Variants in PTP4A3 observed in about 807,000 individuals in gnomAD.
The protein encoded by PTP4A3 is protein tyrosine phosphatase type IVA 3.
Under a neutral mutation model 15.2 loss-of-function variants are expected in PTP4A3, and 9 were observed. That is an observed-to-expected ratio of 0.59 (90% CI 0.36 to 1.03). The LOEUF is 1.03. Ranked by LOEUF, PTP4A3 falls within the 50% of genes least tolerant of loss-of-function variation. The pLI is 0.02. For missense variants in PTP4A3, 234 were observed against 252.1 expected (o/e 0.93, Z 0.49); for synonymous variants, 95 against 102.0 (o/e 0.93, Z 0.41).
intron 1 of PTP4A3, among the ~76,000 whole-genome samples, chr8:141,409,223 G>A (rs1377666939): frequency 2.0e-5 from 3 of 152,218 alleles, no homozygotes; most frequent in Admixed American, 6.5e-5. Context: ...CAACAGGCCC[G>A]TGTGAATGGC....
rs77396073 is a variant in PTP4A3, at chr8:141,427,682, C to T, written c.330-68C>T. On this transcript the variant is annotated intron_variant, in intron 4 of 5. Coordinates refer to ENST00000521578, the MANE Select transcript of PTP4A3 (RefSeq NM_032611.3). ...GGGCCCCCGTGCCCTGCATCTTCAG[C>T]AGGTGCCCTGCCAAGGGGACAGGGG... is the stretch of plus-strand genomic sequence containing the variant. 6.6e-3 allele frequency: 9,140 copies of T among 1,388,104 alleles called. 498 individuals are homozygous for T. The African/African-American group carries it at 0.12, about 18-fold the overall frequency. 86.0% of individuals were successfully genotyped at this position (1,388,104 alleles called of 1,614,324 possible).
chr8:141,417,592 G>A (rs1301216632), intron 1 of PTP4A3, among the ~76,000 whole-genome samples: 1 of 152,110 alleles, frequency 6.6e-6, no homozygotes, highest in Non-Finnish European at 1.5e-5. Context: ...GGCCCGTGCA[G>A]CCCCATGAGG....
chr8:141,409,364 T>G (rs1213158267), intron 1 of PTP4A3, among the ~76,000 whole-genome samples: 2 of 152,172 alleles, frequency 1.3e-5, no homozygotes, highest in Non-Finnish European at 2.9e-5. Flanking sequence ...GGTCCAGGGC[T>G]ATTTGGTGGC....
At position 141,421,895 on chromosome 8, in the gene PTP4A3, T is replaced by G. The variant is rs1349838524; in HGVS notation, c.-346T>G. 5 of 244,976 alleles carry G rather than the reference T, an allele frequency of 2.0e-5. No homozygotes were observed. The highest frequency in any genetic ancestry group is 3.9e-5 in the Non-Finnish European group (5 of 129,148). The allele number at this position is 244,976 out of a possible 1,614,324, so 15.2% of individuals were successfully genotyped here. On this transcript the variant is annotated 5_prime_UTR_variant, in exon 2 of 6. Coordinates refer to ENST00000521578, the MANE Select transcript of PTP4A3 (RefSeq NM_032611.3). ...GCTTTTTTGGTTGTTCTTTTTATTT[T>G]TTGCCTCTTTATGACTATCCAGCTC...
At chr8:141,415,930 CT>C (rs1833034118) in intron 1 of PTP4A3, among the ~76,000 whole-genome samples, 1 of 151,868 alleles carries the variant, frequency 6.6e-6, no homozygotes, top group African/African-American at 2.4e-5. Context: ...CCTGGCCCCC[CT>C]AGCAATGGGC....
chr8:141,428,837 C>T (rs1365269759), intron 5 of PTP4A3, among the ~76,000 whole-genome samples: 7 of 152,242 alleles, frequency 4.6e-5, no homozygotes, highest in Admixed American at 3.3e-4. Flanking sequence ...AACACAGGCA[C>T]ATACAGACAA....
At chr8:141,396,012 C>T (rs192444493) in intron 1 of PTP4A3, among the ~76,000 whole-genome samples, 2,453 of 152,328 alleles carry the variant, frequency 0.016, 71 homozygotes, top group African/African-American at 0.056. Context: ...CACCTGCCCC[C>T]GCCAACCCTG....
chr8:141,426,986 A>G lies in PTP4A3; in HGVS notation c.246A>G (p.Glu82=). Residue 82 remains glutamate (E), a synonymous_variant, in exon 4 of 6, where the codon GAA becomes GAG. Coordinates refer to ENST00000521578, the MANE Select transcript of PTP4A3 (RefSeq NM_032611.3). ...DGAPPPGKVV[E]DWLSLVKAKF... ...CGCCCCCGCCCGGCAAGGTAGTGGA[A>G]GACTGGCTGAGCCTGGTGAAGGCCA... The G allele has an allele frequency of 6.2e-7, 1 of 1,608,540 alleles. No homozygotes were observed. The highest frequency in any genetic ancestry group is 8.5e-7 in the Non-Finnish European group (1 of 1,179,860).
intron 2 of PTP4A3, among the ~76,000 whole-genome samples, chr8:141,424,763 C>T (rs564889773): frequency 2.6e-5 from 4 of 152,178 alleles, no homozygotes; most frequent in East Asian, 1.9e-4. Flanking sequence ...GACACTACCT[C>T]GACCAGTAGT....
chr8:141,430,151 G>A (rs1833788849), intron 5 of PTP4A3, among the ~76,000 whole-genome samples: 1 of 148,930 alleles, frequency 6.7e-6, no homozygotes, highest in African/African-American at 2.5e-5. Flanking sequence ...ACCAGGTGGC[G>A]GGGACAGGGT....
Position 141,431,109 on chromosome 8 carries a change from GC to G in PTP4A3, c.*68del. 1 of 1,507,296 alleles carries G rather than the reference GC, an allele frequency of 6.6e-7. No homozygotes were observed. The highest frequency in any genetic ancestry group is 9.2e-7 in the Non-Finnish European group (1 of 1,085,668). The allele number at this position is 1,507,296 out of a possible 1,614,324, so 93.4% of individuals were successfully genotyped here. A position where few individuals can be genotyped will look rare whatever the true frequency, so the allele number is the denominator to read the frequency against. On this transcript the variant is annotated 3_prime_UTR_variant, in exon 6 of 6. Coordinates refer to ENST00000521578, the MANE Select transcript of PTP4A3 (RefSeq NM_032611.3). ...GACCTTGGCTGGACCTGGAGGCCCT[GC>G]CCAGCCCTGCTCTGCCCAGCCCAGC...
intron 1 of PTP4A3, among the ~76,000 whole-genome samples, chr8:141,394,313 G>A (rs569696446): frequency 3.9e-5 from 6 of 152,066 alleles, no homozygotes; most frequent in Non-Finnish European, 8.8e-5. Context: ...GTGATTTTTC[G>A]CCCCCCAAGA....
intron 1 of PTP4A3, among the ~76,000 whole-genome samples, chr8:141,401,048 G>A (rs755040025): frequency 9.9e-5 from 15 of 152,104 alleles, no homozygotes; most frequent in South Asian, 2.1e-4. Flanking sequence ...AGGACCTGAC[G>A]GAACGGCATC....
chr8:141,428,564 C>T (rs934931175), intron 5 of PTP4A3, among the ~76,000 whole-genome samples: 2 of 152,218 alleles, frequency 1.3e-5, no homozygotes, highest in Admixed American at 1.3e-4. Flanking sequence ...CTCCCAGAGG[C>T]AGGCTTGTTC....
Position 141,422,314 on chromosome 8 carries a change from C to A in PTP4A3, c.74C>A (p.Pro25His). The part of the protein sequence containing the change: ...KHMRFLITHN[P>H]TNATLSTFIE... Reference sequence around the variant, plus strand: ...ATGCGCTTCCTCATCACCCACAACCCCACCAACGCCACGCTCAGCACCTTC... The same window carrying A: ...ATGCGCTTCCTCATCACCCACAACCACACCAACGCCACGCTCAGCACCTTC... The change falls in exon 2 of 6, where the codon CCC (proline) becomes CAC (histidine). Residue 25 changes from proline to histidine, a missense_variant. Physicochemically the swap from Pro to His is moderately conservative, Grantham distance 77. Transcript: ENST00000521578. 6.2e-7 allele frequency: 1 copy of A among 1,613,512 alleles called. No homozygotes were observed. The highest frequency in any genetic ancestry group is 8.5e-7 in the Non-Finnish European group (1 of 1,179,996).
At chr8:141,407,978 G>A (rs565491913) in intron 1 of PTP4A3, among the ~76,000 whole-genome samples, 1 of 133,074 alleles carries the variant, frequency 7.5e-6, no homozygotes, top group African/African-American at 3.3e-5. Context: ...TTCTTCCAGC[G>A]TGGCCCAGGG....
chr8:141,413,024 G>A (rs1353102153), intron 1 of PTP4A3, among the ~76,000 whole-genome samples: 8 of 152,180 alleles, frequency 5.3e-5, no homozygotes, highest in African/African-American at 1.9e-4. Flanking sequence ...AGCCTCCTCC[G>A]GCCAGCAGGA....
chr8:141,422,085 C>CG lies in PTP4A3; in HGVS notation c.-152dup. 1.6e-6 allele frequency: 1 copy of CG among 619,984 alleles called. No individual in the cohort carries two copies. The highest frequency in any genetic ancestry group is 2.8e-6 in the Non-Finnish European group (1 of 358,010). 38.4% of individuals were successfully genotyped at this position (619,984 alleles called of 1,614,324 possible). A position where few individuals can be genotyped will look rare whatever the true frequency, so the allele number is the denominator to read the frequency against. Reference sequence around the variant, plus strand: ...CCCAAGTATTTGCACAATATTTGTGCGGGGTATGGGGGTGGGTTTTTAAAT... The same window carrying CG: ...CCCAAGTATTTGCACAATATTTGTGCGGGGGTATGGGGGTGGGTTTTTAAAT... On this transcript the variant is annotated 5_prime_UTR_variant, in exon 2 of 6. Coordinates refer to ENST00000521578, the MANE Select transcript of PTP4A3 (RefSeq NM_032611.3).
intron 1 of PTP4A3, among the ~76,000 whole-genome samples, chr8:141,407,208 C>T (rs1158530928): frequency 6.6e-6 from 1 of 152,232 alleles, no homozygotes; most frequent in African/African-American, 2.4e-5. Context: ...CCTGGACTCT[C>T]AGGCCTCCCC....
Sources: gnomAD v4.1 joint callset for allele counts (sites outside exome capture counted in the v4.1 genomes callset) on GRCh38, gnomAD v4.1.1 for gene constraint, MANE v1.5 for transcripts, NCBI Gene and HGNC (gene_info 2026-07-23, HGNC 2026-07-21) for gene names.